Variants in CRB1 observed in about 807,000 individuals in gnomAD.
The protein encoded by CRB1 is protein crumbs homolog 1.
In CRB1, 83 loss-of-function variants were observed where a neutral mutation model predicts 120.0. The ratio of observed to expected loss-of-function variants is 0.69; its 90% CI spans 0.58 to 0.83. The LOEUF is 0.83. Among genes scored for constraint, CRB1 ranks in the 40% least tolerant of loss-of-function variants. CRB1 has a pLI of 0.00. For synonymous variants in CRB1, 625 were observed against 612.5 expected (o/e 1.02, Z -0.30); for missense variants, 1,699 against 1,687.6 (o/e 1.01, Z -0.12).
chr1:197,256,891 T>C, the CRB1 span, among the ~76,000 whole-genome samples: 1 of 151,664 alleles, frequency 6.6e-6, no homozygotes, highest in Non-Finnish European at 1.5e-5. Flanking sequence ...TATTTAGTCC[T>C]ATATTAGAAT....
the CRB1 span, chr1:197,223,281 A>C: frequency 5.9e-6 from 5 of 853,612 alleles, 1 homozygote; most frequent in South Asian, 5.7e-5. Context: ...GAATTAGAAA[A>C]GGGGTTTGGA....
intron 5 of CRB1, among the ~76,000 whole-genome samples, chr1:197,381,709 A>G (rs1474459147): frequency 6.6e-6 from 1 of 152,226 alleles, no homozygotes; most frequent in Non-Finnish European, 1.5e-5. Context: ...TCATTGCAAT[A>G]GTAATAATGA....
At chr1:197,449,495 T>C (rs1571587274) in intron 11 of CRB1, among the ~76,000 whole-genome samples, 2 of 152,080 alleles carry the variant, frequency 1.3e-5, no homozygotes, top group Middle Eastern at 3.4e-3. Context: ...GCCTCTCAAG[T>C]AGGTGGGATT....
chr1:197,315,844 ATAATT>A (rs1363444284), intron 1 of CRB1, among the ~76,000 whole-genome samples: 1 of 152,228 alleles, frequency 6.6e-6, no homozygotes, highest in African/African-American at 2.4e-5. Context: ...ACTTATTTGA[ATAATT>A]TAAATTATTT....
intron 4 of CRB1, among the ~76,000 whole-genome samples, chr1:197,354,688 A>G (rs965281848): frequency 2.0e-4 from 30 of 151,930 alleles, no homozygotes; most frequent in African/African-American, 6.8e-4. Context: ...GTGTGGACCC[A>G]AACAGTGGGC....
the CRB1 span, among the ~76,000 whole-genome samples, chr1:197,233,572 G>A: frequency 6.6e-6 from 1 of 152,186 alleles, no homozygotes; most frequent in African/African-American, 2.4e-5. Flanking sequence ...AGGGGTCTGA[G>A]CCCTTGGCTC....
the CRB1 span, chr1:197,222,811 A>C: frequency 6.7e-7 from 1 of 1,500,682 alleles, no homozygotes; most frequent in Non-Finnish European, 9.3e-7. Flanking sequence ...TCTTGTCATA[A>C]GCATCTAGCC....
At chr1:197,241,099 A>T in the CRB1 span, among the ~76,000 whole-genome samples, 1 of 152,194 alleles carries the variant, frequency 6.6e-6, no homozygotes, top group Non-Finnish European at 1.5e-5. Flanking sequence ...TCTGGATATT[A>T]GCCCTTTGTC....
At chr1:197,276,603 T>G (rs1655222375) in intron 1 of CRB1, among the ~76,000 whole-genome samples, 1 of 151,614 alleles carries the variant, frequency 6.6e-6, no homozygotes, top group Non-Finnish European at 1.5e-5. Context: ...AAGCAAAAGA[T>G]GAGTAACAGA....
At chr1:197,399,324 T>G (rs1179572965) in intron 5 of CRB1, among the ~76,000 whole-genome samples, 1 of 152,224 alleles carries the variant, frequency 6.6e-6, no homozygotes, top group South Asian at 2.1e-4. Context: ...CCTTGATGTC[T>G]TTCATCTGTG....
At chr1:197,409,820 T>C (rs1490283811) in intron 5 of CRB1, among the ~76,000 whole-genome samples, 3 of 152,150 alleles carry the variant, frequency 2.0e-5, no homozygotes, top group Non-Finnish European at 2.9e-5. Context: ...AGTCGTTCTG[T>C]CGCGCAGGCT....
chr1:197,428,045 CT>C (rs1286170905), intron 7 of CRB1, 44 bp downstream of exon 7: 3 of 1,549,266 alleles, frequency 1.9e-6, no homozygotes, highest in Non-Finnish European at 2.7e-6. Flanking sequence ...GTATGCTAAA[CT>C]TTTACTTTAT....
chr1:197,385,632 A>G, intron 5 of CRB1, among the ~76,000 whole-genome samples: 1 of 152,174 alleles, frequency 6.6e-6, no homozygotes, highest in South Asian at 2.1e-4. Flanking sequence ...TGTTATTATT[A>G]GGGTTATTAT....
the CRB1 span, among the ~76,000 whole-genome samples, chr1:197,215,939 G>T: frequency 2.0e-5 from 3 of 152,148 alleles, no homozygotes; most frequent in African/African-American, 4.8e-5. Flanking sequence ...ACATATATCT[G>T]CATTTTTCTT....
intron 5 of CRB1, among the ~76,000 whole-genome samples, chr1:197,375,774 T>A (rs1009523564): frequency 6.6e-6 from 1 of 152,174 alleles, no homozygotes; most frequent in African/African-American, 2.4e-5. Context: ...CTATTCTAAA[T>A]CATTCTAATT....
intron 1 of CRB1, among the ~76,000 whole-genome samples, chr1:197,304,895 C>T (rs944239529): frequency 2.6e-5 from 4 of 152,176 alleles, no homozygotes; most frequent in African/African-American, 9.7e-5. Context: ...GGCAGTGACA[C>T]AGAGGCAGTC....
At chr1:197,305,885 G>A (rs1357551467) in intron 1 of CRB1, among the ~76,000 whole-genome samples, 1 of 144,706 alleles carries the variant, frequency 6.9e-6, no homozygotes, top group Non-Finnish European at 1.5e-5. Flanking sequence ...TTTGGAAACT[G>A]ATATTTGAGA....
intron 1 of CRB1, among the ~76,000 whole-genome samples, chr1:197,325,442 C>G (rs1658438024): frequency 6.6e-6 from 1 of 152,124 alleles, no homozygotes; most frequent in Admixed American, 6.5e-5. Context: ...AGACACCATT[C>G]ATTTGATTTT....
At chr1:197,438,398 A>T in intron 9 of CRB1, 149 bp from the exon 10 acceptor site, 1 of 913,004 alleles carries the variant, frequency 1.1e-6, no homozygotes, top group Non-Finnish European at 1.7e-6. Flanking sequence ...TGATTCTTGC[A>T]TAATGCAGCA....
Sources: allele counts gnomAD v4.1 joint callset (sites outside exome capture counted in the v4.1 genomes callset), GRCh38; gene constraint gnomAD v4.1.1; transcripts MANE v1.5; gene names NCBI Gene and HGNC (gene_info 2026-07-23, HGNC 2026-07-21).